Variants in C12orf42 observed in about 807,000 individuals in gnomAD.
C12orf42 encodes uncharacterized protein C12orf42.
In C12orf42, 25 loss-of-function variants were observed where a neutral mutation model predicts 21.6. The observed-to-expected ratio is 1.16, with a 90% CI of 0.84 to 1.62. The LOEUF is 1.62. Among genes scored for constraint, C12orf42 ranks in the 40% most tolerant of loss-of-function variants. The pLI is 0.00. For missense variants in C12orf42, 483 were observed against 459.3 expected (o/e 1.05, Z -0.47); for synonymous variants, 174 against 175.0 (o/e 0.99, Z 0.05).
At chr12:103,346,551 CAA>C (rs1195899906) in intron 4 of C12orf42, among the ~76,000 whole-genome samples, 1 of 152,138 alleles carries the variant, frequency 6.6e-6, no homozygotes, top group Non-Finnish European at 1.5e-5. Flanking sequence ...CTGTGCCACG[CAA>C]GAGAGTCCTG....
intron 2 of C12orf42, among the ~76,000 whole-genome samples, chr12:103,454,012 A>G (rs1294029752): frequency 6.6e-6 from 1 of 152,060 alleles, no homozygotes; most frequent in African/African-American, 2.4e-5. Flanking sequence ...CCACCCTACC[A>G]TCAACCATGC....
intron 2 of C12orf42, among the ~76,000 whole-genome samples, chr12:103,468,497 T>C (rs1953320969): frequency 1.3e-5 from 2 of 152,220 alleles, no homozygotes. Context: ...TACATACAAG[T>C]TGTAGCCTGT....
the C12orf42 span, among the ~76,000 whole-genome samples, chr12:103,135,588 A>G: frequency 6.6e-6 from 1 of 152,240 alleles, no homozygotes; most frequent in Non-Finnish European, 1.5e-5. Context: ...ATCAACTGAT[A>G]GACTGACAAG....
At chr12:103,147,790 T>G in the C12orf42 span, among the ~76,000 whole-genome samples, 1 of 152,058 alleles carries the variant, frequency 6.6e-6, no homozygotes, top group Non-Finnish European at 1.5e-5. Context: ...AAAAACCTTG[T>G]TCAACCATTA....
chr12:103,173,394 A>C, the C12orf42 span, among the ~76,000 whole-genome samples: 1 of 152,102 alleles, frequency 6.6e-6, no homozygotes, highest in African/African-American at 2.4e-5. Context: ...ATAGAGATTG[A>C]TGGACACTTT....
intron 3 of C12orf42, among the ~76,000 whole-genome samples, chr12:103,383,569 C>A (rs1382122362): frequency 1.3e-5 from 2 of 152,112 alleles, no homozygotes; most frequent in African/African-American, 4.8e-5. Context: ...AGTATAAATG[C>A]ACTCTTGGCA....
intron 2 of C12orf42, among the ~76,000 whole-genome samples, chr12:103,468,321 G>C (rs920554451): frequency 2.6e-5 from 4 of 152,148 alleles, no homozygotes; most frequent in African/African-American, 9.7e-5. Flanking sequence ...TAATATTTGG[G>C]ACCTGCCATT....
chr12:103,138,175 C>A, the C12orf42 span, among the ~76,000 whole-genome samples: 1 of 152,094 alleles, frequency 6.6e-6, no homozygotes, highest in African/African-American at 2.4e-5. Flanking sequence ...CTAAAAAAAT[C>A]CCTTTCTGAG....
chr12:103,482,811 C>G (rs193227881), intron 1 of C12orf42, among the ~76,000 whole-genome samples: 30 of 151,742 alleles, frequency 2.0e-4, no homozygotes, highest in Admixed American at 1.8e-3. Flanking sequence ...TTTTTGTCTC[C>G]CATCTTTCTA....
chr12:103,153,788 A>T, the C12orf42 span, among the ~76,000 whole-genome samples: 4 of 152,098 alleles, frequency 2.6e-5, no homozygotes, highest in African/African-American at 9.7e-5. Flanking sequence ...CCTCTCACTC[A>T]TCAGTTTCTC....
intron 4 of C12orf42, among the ~76,000 whole-genome samples, chr12:103,363,541 G>C (rs1457083823): frequency 6.6e-6 from 1 of 152,044 alleles, no homozygotes; most frequent in African/African-American, 2.4e-5. Context: ...CCACTTAAAA[G>C]ATACAGAATT....
the C12orf42 span, among the ~76,000 whole-genome samples, chr12:103,167,620 A>G: frequency 1.3e-5 from 2 of 152,252 alleles, no homozygotes; most frequent in South Asian, 4.1e-4. Context: ...CTCATTCACT[A>G]TTGGCCAAAA....
At chr12:103,287,632 C>A (rs773390571) in intron 4 of C12orf42, among the ~76,000 whole-genome samples, 4 of 151,440 alleles carry the variant, frequency 2.6e-5, no homozygotes, top group Non-Finnish European at 5.9e-5. Flanking sequence ...GTGCAGCACA[C>A]CAACATGGCA....
chr12:103,258,859 A>G (rs942398384), intron 10 of C12orf42, among the ~76,000 whole-genome samples: 2 of 152,170 alleles, frequency 1.3e-5, no homozygotes, highest in African/African-American at 4.8e-5. Context: ...ATGTTCATGG[A>G]TGGGAAGATT....
chr12:103,284,146 A>G (rs1386465626), intron 4 of C12orf42, among the ~76,000 whole-genome samples: 2 of 152,200 alleles, frequency 1.3e-5, no homozygotes, highest in Admixed American at 6.5e-5. Flanking sequence ...CTCGGAGAAC[A>G]TTACATAAGA....
At chr12:103,419,349 T>A (rs940654543) in intron 2 of C12orf42, among the ~76,000 whole-genome samples, 9 of 152,180 alleles carry the variant, frequency 5.9e-5, no homozygotes, top group African/African-American at 1.9e-4. Context: ...TTATACTTGA[T>A]CTTAGCCAAA....
intron 4 of C12orf42, among the ~76,000 whole-genome samples, chr12:103,334,750 A>G (rs779138439): frequency 2.0e-5 from 3 of 152,172 alleles, no homozygotes; most frequent in Non-Finnish European, 4.4e-5. Flanking sequence ...CGCTCGGCCA[A>G]CTTCCCTTTG....
chr12:103,224,547 G>T, the C12orf42 span, among the ~76,000 whole-genome samples: 2 of 152,238 alleles, frequency 1.3e-5, no homozygotes, highest in South Asian at 2.1e-4. Flanking sequence ...GTGGTATCAG[G>T]AATAATGTGG....
intron 1 of C12orf42, among the ~76,000 whole-genome samples, chr12:103,485,689 T>A (rs1196753692): frequency 6.6e-6 from 1 of 152,228 alleles, no homozygotes; most frequent in Non-Finnish European, 1.5e-5. Flanking sequence ...GTCCTTCACA[T>A]CCCTTGTAAG....
Sources: gnomAD v4.1 joint callset for allele counts (sites outside exome capture counted in the v4.1 genomes callset) on GRCh38, gnomAD v4.1.1 for gene constraint, MANE v1.5 for transcripts, NCBI Gene and HGNC (gene_info 2026-07-23, HGNC 2026-07-21) for gene names.